The following KIF16B variants were observed in gnomAD, a reference collection of about 807,000 sequenced individuals.
KIF16B encodes the protein kinesin-like protein KIF16B.
In KIF16B, 98 loss-of-function variants were observed where a neutral mutation model predicts 156.3. That is an observed-to-expected ratio of 0.63 (90% CI 0.53 to 0.74). The LOEUF is 0.74. Among genes scored for constraint, KIF16B ranks in the 30% least tolerant of loss-of-function variants. KIF16B has a pLI of 0.00. For missense variants in KIF16B, 1,421 were observed against 1,606.5 expected (o/e 0.88, Z 1.97); for synonymous variants, 564 against 583.7 (o/e 0.97, Z 0.49).
chr20:16,340,815 A>G (rs2064127794), intron 23 of KIF16B, among the ~76,000 whole-genome samples: 1 of 152,178 alleles, frequency 6.6e-6, no homozygotes, highest in African/African-American at 2.4e-5. Context: ...AGTGGTCCTT[A>G]TAAGTGATAT....
Position 16,508,118 on chromosome 20 carries a change from AG to A in KIF16B, c.557-19del. On this transcript the variant is annotated intron_variant, in intron 6 of 25. Coordinates refer to ENST00000354981, the MANE Select transcript of KIF16B (RefSeq NM_024704.5). Reference sequence around the variant, plus strand: ...GGATAAATCTGAAAAAGAAAATGGAAGGGGTGAAGAAATCCCCCTAATATAT... The same window carrying A: ...GGATAAATCTGAAAAAGAAAATGGAAGGGTGAAGAAATCCCCCTAATATAT... 1 of 1,613,114 alleles carries A rather than the reference AG, an allele frequency of 6.2e-7. No homozygotes were observed. The highest frequency in any genetic ancestry group is 8.5e-7 in the Non-Finnish European group (1 of 1,179,232).
At chr20:16,469,368 C>T (rs2067592310) in intron 12 of KIF16B, among the ~76,000 whole-genome samples, 1 of 144,930 alleles carries the variant, frequency 6.9e-6, no homozygotes, top group East Asian at 2.0e-4. Flanking sequence ...GTAGATTAAA[C>T]AACACACTTC....
intron 12 of KIF16B, among the ~76,000 whole-genome samples, chr20:16,468,723 C>T (rs11906656): frequency 0.023 from 3,389 of 148,976 alleles, 83 homozygotes; most frequent in South Asian, 0.071. Flanking sequence ...AACAAATAAA[C>T]AAATCTACTA....
At chr20:16,473,225 T>C (rs1391368819) in intron 12 of KIF16B, among the ~76,000 whole-genome samples, 2 of 152,188 alleles carry the variant, frequency 1.3e-5, no homozygotes, top group Non-Finnish European at 2.9e-5. Context: ...CCTCTACTCA[T>C]CAAACTTAGA....
chr20:16,569,521 G>GCACT (rs763276066), intron 1 of KIF16B, among the ~76,000 whole-genome samples: 32 of 152,278 alleles, frequency 2.1e-4, no homozygotes, highest in East Asian at 1.9e-3. Context: ...CCTGAATCAA[G>GCACT]CACTCATATT....
intron 17 of KIF16B, 21 bp downstream of exon 17, chr20:16,404,792 G>A: frequency 1.3e-6 from 2 of 1,548,144 alleles, no homozygotes; most frequent in African/African-American, 1.4e-5. Flanking sequence ...CACAGGGAAG[G>A]AGATGCTGCT....
intron 17 of KIF16B, among the ~76,000 whole-genome samples, chr20:16,397,994 C>G (rs1171352940): frequency 6.6e-6 from 1 of 152,222 alleles, no homozygotes; most frequent in African/African-American, 2.4e-5. Context: ...AGCATAGTGC[C>G]TGCCCTCAAG....
chr20:16,302,528 T>C (rs182555310), intron 25 of KIF16B, among the ~76,000 whole-genome samples: 136 of 152,322 alleles, frequency 8.9e-4, no homozygotes, highest in African/African-American at 3.1e-3. Context: ...GTATTAAGTA[T>C]TGGAGTTTGG....
intron 25 of KIF16B, among the ~76,000 whole-genome samples, chr20:16,280,298 C>G (rs944812472): frequency 2.0e-5 from 3 of 152,222 alleles, no homozygotes; most frequent in Admixed American, 6.5e-5. Flanking sequence ...TGGCTTCCCC[C>G]CTCTCTTACA....
chr20:16,428,302 T>C (rs2066411827), intron 14 of KIF16B, among the ~76,000 whole-genome samples: 1 of 152,112 alleles, frequency 6.6e-6, no homozygotes, highest in Admixed American at 6.6e-5. Context: ...TGCCAGCAAT[T>C]CTAAAAGCAG....
intron 24 of KIF16B, among the ~76,000 whole-genome samples, chr20:16,319,652 A>G (rs934418695): frequency 2.0e-5 from 3 of 152,134 alleles, no homozygotes; most frequent in African/African-American, 7.2e-5. Flanking sequence ...GAATCTCTGG[A>G]GGCTCAAATA....
chr20:16,465,901 G>T (rs1181275260), intron 12 of KIF16B, among the ~76,000 whole-genome samples: 2 of 152,100 alleles, frequency 1.3e-5, no homozygotes, highest in Non-Finnish European at 2.9e-5. Context: ...TGCCTGTCTT[G>T]TTCCATATCC....
chr20:16,279,720 T>C (rs1409686256), intron 25 of KIF16B, among the ~76,000 whole-genome samples: 1 of 152,008 alleles, frequency 6.6e-6, no homozygotes, highest in African/African-American at 2.4e-5. Context: ...CAGCTAGGCC[T>C]GAAGCTGGAA....
rs557005018 is a variant in KIF16B at position 16,465,415 on chromosome 20, G to A, written c.1302+28876C>T. 1.7e-4 allele frequency among the ~76,000 whole-genome samples: 26 copies of A among 152,254 alleles called. No individual in the cohort carries two copies. In the East Asian group the frequency reaches 3.7e-3, roughly 21 times the overall value. On this transcript the variant is annotated intron_variant, in intron 12 of 25. Coordinates refer to ENST00000354981, the MANE Select transcript of KIF16B (RefSeq NM_024704.5). ...GTCCATCATGCAGCCTCTGTCCTCC[G>A]ACAATGAAGCATCTCACACACCTCT...
intron 25 of KIF16B, among the ~76,000 whole-genome samples, chr20:16,290,246 G>C (rs1001804909): frequency 3.3e-5 from 5 of 152,124 alleles, no homozygotes; most frequent in African/African-American, 1.2e-4. Context: ...TAAAAGACTC[G>C]GCCATCGAGG....
intron 13 of KIF16B, 114 bp downstream of exon 13, chr20:16,429,749 T>C: frequency 1.2e-6 from 1 of 864,674 alleles, no homozygotes; most frequent in Non-Finnish European, 1.6e-6. Flanking sequence ...TGTTGTATAT[T>C]CTTTAATTTA....
intron 17 of KIF16B, among the ~76,000 whole-genome samples, chr20:16,396,133 C>T (rs1242557541): frequency 6.6e-6 from 1 of 152,130 alleles, no homozygotes; most frequent in African/African-American, 2.4e-5. Flanking sequence ...CAGGGGTACC[C>T]AGTCCCCAGG....
At chr20:16,539,666 T>C (rs2092696) in intron 1 of KIF16B, among the ~76,000 whole-genome samples, 2 of 152,086 alleles carry the variant, frequency 1.3e-5, no homozygotes, top group African/African-American at 4.8e-5. Flanking sequence ...CTATGCTTCC[T>C]GTACAGCCTG....
chr20:16,489,419 AGT>A (rs900616297), intron 12 of KIF16B, among the ~76,000 whole-genome samples: 19 of 152,188 alleles, frequency 1.2e-4, no homozygotes, highest in African/African-American at 4.6e-4. Flanking sequence ...GCATTTCCTC[AGT>A]GTGTCTAAAT....
Sources: allele counts gnomAD v4.1 joint callset (sites outside exome capture counted in the v4.1 genomes callset), GRCh38; gene constraint gnomAD v4.1.1; transcripts MANE v1.5; gene names NCBI Gene and HGNC (gene_info 2026-07-23, HGNC 2026-07-21).